PRKD1: variants seen among roughly 807,000 people sequenced by gnomAD.
PRKD1 encodes the protein protein kinase D1, also known as serine/threonine-protein kinase D1.
PRKD1 carries 63 observed loss-of-function variants against 95.9 expected under a neutral mutation model. That is an observed-to-expected ratio of 0.66 (90% confidence interval 0.54 to 0.81). The LOEUF (loss-of-function observed/expected upper bound fraction) is 0.81. PRKD1 is among the 30% of genes least tolerant of loss of function. The pLI is 0.00. For missense variants in PRKD1, 1,048 were observed against 1,165.3 expected (o/e 0.90, Z 1.47); for synonymous variants, 425 against 423.1 (o/e 1.00, Z -0.05).
chr14:29,826,830 TATATATATACACAC>T lies in PRKD1; in HGVS notation c.264+100405_264+100418del, dbSNP rs1185508506. On this transcript the variant is annotated intron_variant, in intron 1 of 17. Transcript: ENST00000331968. ...ATATATATACACATATATATATATA[TATATATATACACAC>T]ATATATATATATATATATATATATA... 5.6e-3 allele frequency among the ~76,000 whole-genome samples: 156 copies of T among 27,856 alleles called. 25 individuals are homozygous for T. The highest frequency in any genetic ancestry group is 0.01 in the South Asian group (6 of 590). 18.3% of individuals were successfully genotyped at this position (27,856 alleles called of 152,430 possible). A position where few individuals can be genotyped will look rare whatever the true frequency, so the allele number is the denominator to read the frequency against.
At chr14:29,913,754 C>T (rs1316987929) in intron 1 of PRKD1, among the ~76,000 whole-genome samples, 2 of 152,144 alleles carry the variant, frequency 1.3e-5, no homozygotes, top group Admixed American at 1.3e-4. Context: ...GCTAGGCATG[C>T]GTGATTCGCT....
At chr14:29,891,954 C>G (rs534255881) in intron 1 of PRKD1, among the ~76,000 whole-genome samples, 1 of 152,234 alleles carries the variant, frequency 6.6e-6, no homozygotes, top group Admixed American at 6.5e-5. Context: ...TGAGTTTCAT[C>G]AAAAGTTTAA....
intron 1 of PRKD1, among the ~76,000 whole-genome samples, chr14:29,733,925 T>C (rs997112060): frequency 6.6e-6 from 1 of 152,108 alleles, no homozygotes; most frequent in Non-Finnish European, 1.5e-5. Context: ...CATGTTTTCA[T>C]TTAAATCCTT....
chr14:29,590,561 G>C (rs115494109), intron 16 of PRKD1, among the ~76,000 whole-genome samples: 1 of 151,998 alleles, frequency 6.6e-6, no homozygotes, highest in African/African-American at 2.4e-5. Context: ...TAGAAGTTTC[G>C]TTATGCATAT....
At chr14:29,784,193 C>T (rs780099970) in intron 1 of PRKD1, among the ~76,000 whole-genome samples, 6 of 151,980 alleles carry the variant, frequency 3.9e-5, no homozygotes, top group Non-Finnish European at 7.4e-5. Flanking sequence ...ATATGAATAT[C>T]CAGTGTTCCA....
At chr14:29,857,203 G>A (rs985924979) in intron 1 of PRKD1, among the ~76,000 whole-genome samples, 1 of 152,090 alleles carries the variant, frequency 6.6e-6, no homozygotes, top group African/African-American at 2.4e-5. Flanking sequence ...CATTAATATT[G>A]TCATTGTTAT....
intron 1 of PRKD1, among the ~76,000 whole-genome samples, chr14:29,790,007 CTTTTTTTTTT>C (rs34880091): frequency 1.0e-5 from 1 of 97,314 alleles, no homozygotes; most frequent in Non-Finnish European, 1.9e-5. Context: ...AGCAAGTTGT[CTTTTTTTTTT>C]TTTTTTTTTT....
intron 1 of PRKD1, among the ~76,000 whole-genome samples, chr14:29,747,448 G>A (rs932823813): frequency 6.6e-6 from 1 of 151,978 alleles, no homozygotes; most frequent in East Asian, 1.9e-4. Context: ...CCACTCCTAG[G>A]TATATACTCA....
intron 1 of PRKD1, among the ~76,000 whole-genome samples, chr14:29,731,557 A>C (rs1886436032): frequency 6.6e-6 from 1 of 152,018 alleles, no homozygotes; most frequent in Non-Finnish European, 1.5e-5. Context: ...ATACTTGTGG[A>C]TTTTTTTCTC....
intron 1 of PRKD1, among the ~76,000 whole-genome samples, chr14:29,801,066 A>AGT (rs142175166): frequency 3.5e-3 from 523 of 150,954 alleles, no homozygotes; most frequent in Admixed American, 0.011. Context: ...AGGGGACCCA[A>AGT]GTGTGTGTGT....
At chr14:29,590,369 G>C (rs1893084712) in intron 16 of PRKD1, among the ~76,000 whole-genome samples, 1 of 152,124 alleles carries the variant, frequency 6.6e-6, no homozygotes, top group African/African-American at 2.4e-5. Flanking sequence ...GAGGATCTTA[G>C]ATAATCTATG....
At chr14:29,833,420 G>C (rs1891492011) in intron 1 of PRKD1, among the ~76,000 whole-genome samples, 1 of 151,974 alleles carries the variant, frequency 6.6e-6, no homozygotes, top group Non-Finnish European at 1.5e-5. Flanking sequence ...AAAAGACAAA[G>C]GGGCACTTAC....
At chr14:29,770,930 C>CAAAAA (rs753745571) in intron 1 of PRKD1, among the ~76,000 whole-genome samples, 9 of 47,078 alleles carry the variant, frequency 1.9e-4, no homozygotes, top group East Asian at 5.3e-4. Context: ...AGACACTGTC[C>CAAAAA]AAAAAAAAAA....
At chr14:29,736,056 C>T (rs1405843614) in intron 1 of PRKD1, among the ~76,000 whole-genome samples, 1 of 152,108 alleles carries the variant, frequency 6.6e-6, no homozygotes, top group Non-Finnish European at 1.5e-5. Context: ...TATTCTCTCT[C>T]CTATATCCAT....
intron 4 of PRKD1, among the ~76,000 whole-genome samples, chr14:29,640,953 G>C (rs1011571097): frequency 6.6e-6 from 1 of 152,046 alleles, no homozygotes; most frequent in Non-Finnish European, 1.5e-5. Flanking sequence ...AAGCAAGAGG[G>C]AATCTAGTAA....
Position 29,733,163 on chromosome 14 carries a change from C to A in PRKD1, c.265-7489G>T, listed in dbSNP as rs189932970. Among the ~76,000 whole-genome samples the A allele has an allele frequency of 4.6e-3, 694 of 149,428 alleles. 1 individual carries two copies. Among genetic ancestry groups the A allele is most frequent in the Non-Finnish European group, 6.3e-3 (429 of 67,560 alleles). ...TGCCGCCCAGGCTGGAGTGCAGTGG[C>A]GCAATCTCGGCTCACTGCAAGCTCC... On this transcript the variant is annotated intron_variant, in intron 1 of 17. Coordinates refer to ENST00000331968, the MANE Select transcript of PRKD1 (RefSeq NM_002742.3).
chr14:29,856,882 T>G (rs1892526177), intron 1 of PRKD1, among the ~76,000 whole-genome samples: 1 of 152,200 alleles, frequency 6.6e-6, no homozygotes, highest in Non-Finnish European at 1.5e-5. Flanking sequence ...AAGAGTCACT[T>G]GGTGATCCTG....
At chr14:29,709,332 T>C (rs1190283616) in intron 2 of PRKD1, among the ~76,000 whole-genome samples, 1 of 152,164 alleles carries the variant, frequency 6.6e-6, no homozygotes, top group South Asian at 2.1e-4. Flanking sequence ...AGAATTCCAA[T>C]TTATAAGCTT....
chr14:29,823,674 G>A (rs1242699296), intron 1 of PRKD1, among the ~76,000 whole-genome samples: 1 of 152,162 alleles, frequency 6.6e-6, no homozygotes, highest in Non-Finnish European at 1.5e-5. Context: ...CTTTTGAAAA[G>A]CTCTTAAGTA....
Sources: gnomAD v4.1 joint callset for allele counts (sites outside exome capture counted in the v4.1 genomes callset) on GRCh38, gnomAD v4.1.1 for gene constraint, MANE v1.5 for transcripts, NCBI Gene and HGNC (gene_info 2026-07-23, HGNC 2026-07-21) for gene names.